C7: variants seen among roughly 807,000 people sequenced by gnomAD.
C7 encodes the protein complement component C7.
In C7, 83 loss-of-function variants were observed where a neutral mutation model predicts 104.8. The observed-to-expected ratio is 0.79, with a 90% confidence interval of 0.66 to 0.95. C7 has a LOEUF of 0.95. C7 is among the 40% of genes least tolerant of loss of function. C7 has a pLI of 0.00. For missense variants in C7, 1,070 were observed against 1,011.2 expected, an observed-to-expected ratio of 1.06 and a Z score of -0.79; for synonymous variants, 415 against 360.6, an observed-to-expected ratio of 1.15 and a Z score of -1.71.
intron 1 of C7, among the ~76,000 whole-genome samples, chr5:40,926,325 G>A (rs573395244): frequency 6.6e-6 from 1 of 151,932 alleles, no homozygotes; most frequent in South Asian, 2.1e-4. Context: ...AAAATTGAAA[G>A]CCTTTTATTT....
rs541790602 is a variant in C7 at position 40,954,123 on chromosome 5, C to G, written c.1094-1264C>G. On this transcript the variant is annotated intron_variant, in intron 9 of 17. Coordinates refer to ENST00000313164, the MANE Select transcript of C7 (RefSeq NM_000587.4). ...GCTTCCATTAGCATTTCACACTTTT[C>G]AGAACACTTTTCATGCGTTAAGTAA... Among the ~76,000 whole-genome samples the G allele has an allele frequency of 5.9e-5, 9 of 152,218 alleles. No individual in the cohort carries two copies. In the East Asian group the frequency reaches 1.7e-3, roughly 29 times the overall value.
At position 40,984,604 on chromosome 5, in the gene C7, G is replaced by A. The variant is rs577973147; in HGVS notation, c.*3031G>A. On this transcript the variant is annotated 3_prime_UTR_variant, in exon 18 of 18. Coordinates refer to ENST00000313164, the MANE Select transcript of C7 (RefSeq NM_000587.4). ...CCAATTAGTAATCACTTTTTCTTTC[G>A]GTCAAGGTATGTGTATTAATCAATA... is the stretch of plus-strand genomic sequence containing the variant. 5.3e-5 allele frequency among the ~76,000 whole-genome samples: 8 copies of A among 152,136 alleles called. No homozygotes were observed. The highest frequency in any genetic ancestry group is 5.9e-5 in the Non-Finnish European group (4 of 68,002).
chr5:40,916,058 G>T (rs539461380), intron 1 of C7, among the ~76,000 whole-genome samples: 27 of 150,632 alleles, frequency 1.8e-4, no homozygotes, highest in South Asian at 4.1e-4. Context: ...GATTTGAATT[G>T]TATCTTCTCC....
Position 40,981,393 on chromosome 5 carries a change from T to A in C7, c.2352T>A (p.Ala784=), listed in dbSNP as rs1366952800. The A allele has an allele frequency of 6.2e-7, 1 of 1,610,128 alleles. No homozygotes were observed. The highest frequency in any genetic ancestry group is 8.5e-7 in the Non-Finnish European group (1 of 1,178,302). The change falls in exon 18 of 18, where the codon GCT becomes GCA. Residue 784 remains alanine (A), a splice_region_variant and synonymous_variant. Coordinates refer to ENST00000313164, the MANE Select transcript of C7 (RefSeq NM_000587.4). ...AGCCTCTTTCACTTACTTTTCCAGC[T>A]GAGAGCAGCAAATGTGTCTGCCGAG... The part of the protein sequence containing the change: ...GACPLWGKCD[A]ESSKCVCREA...
chr5:40,931,064 T>C lies in C7; in HGVS notation c.63T>C (p.Ser21=). The change falls in exon 3 of 18, where the codon AGT becomes AGC. Residue 21 remains serine (S), a splice_region_variant and synonymous_variant. Transcript: ENST00000313164. ...GFIGEFQSFS[S]ASSPVNCQWD... is the part of the protein sequence containing the mutation. ...GATGGACAATTTGACACTGTGGCAGTGCCTCCTCTCCAGTCAACTGCCAGT... is the reference window on the plus strand; with the variant it reads ...GATGGACAATTTGACACTGTGGCAGCGCCTCCTCTCCAGTCAACTGCCAGT... 1.2e-6 allele frequency: 2 copies of C among 1,609,856 alleles called. No individual in the cohort carries two copies. The highest frequency in any genetic ancestry group is 1.1e-5 in the South Asian group (1 of 90,884).
chr5:40,969,209 A>G (rs936621886), intron 14 of C7, among the ~76,000 whole-genome samples: 3 of 152,154 alleles, frequency 2.0e-5, no homozygotes, highest in Non-Finnish European at 4.4e-5. Flanking sequence ...ATGTGTAAAC[A>G]GTGTGTAATA....
At chr5:40,929,606 C>A (rs187128973) in intron 2 of C7, among the ~76,000 whole-genome samples, 20 of 152,112 alleles carry the variant, frequency 1.3e-4, no homozygotes, top group Admixed American at 2.6e-4. Flanking sequence ...TGCTGGGAAT[C>A]CAGAAATCAG....
At chr5:40,911,548 G>T (rs1472847047) in intron 1 of C7, among the ~76,000 whole-genome samples, 1 of 152,164 alleles carries the variant, frequency 6.6e-6, no homozygotes, top group Non-Finnish European at 1.5e-5. Flanking sequence ...GGTCGTCACA[G>T]TGCCCAAGCA....
chr5:40,951,702 G>A (rs899529260), intron 9 of C7, among the ~76,000 whole-genome samples: 14 of 152,174 alleles, frequency 9.2e-5, no homozygotes, highest in African/African-American at 3.4e-4. Flanking sequence ...CATTGTGTGA[G>A]GCCATAGACT....
At chr5:40,912,386 C>T (rs1387206604) in intron 1 of C7, among the ~76,000 whole-genome samples, 1 of 152,004 alleles carries the variant, frequency 6.6e-6, no homozygotes, top group Admixed American at 6.6e-5. Context: ...TTAAAAAATG[C>T]TTTTAAATTT....
intron 2 of C7, among the ~76,000 whole-genome samples, chr5:40,930,270 A>G (rs553067243): frequency 9.3e-4 from 135 of 144,614 alleles, no homozygotes; most frequent in African/African-American, 3.5e-3. Context: ...CAGTGGTGCA[A>G]TCTCAGCTCA....
In C7 at chr5:40,958,607, TC is replaced by T. The variant is rs1740350656; in HGVS notation, c.1489+347del. 2.0e-5 allele frequency among the ~76,000 whole-genome samples: 3 copies of T among 152,346 alleles called. No individual in the cohort carries two copies. The South Asian group carries it at 6.2e-4, about 32-fold the overall frequency. On this transcript the variant is annotated intron_variant, in intron 11 of 17. Transcript: ENST00000313164. The stretch of plus-strand genomic sequence containing the variant: ...TTGTATATTTGCATTGCCTAATCTT[TC>T]TGATGGCATGCTCTTTGAAACATTT...
At position 40,937,579 on chromosome 5, in the gene C7, G is replaced by A; in HGVS notation, c.456G>A (p.Arg152=). 1 of 1,611,800 alleles carries A rather than the reference G, an allele frequency of 6.2e-7. No homozygotes were observed. ...NGYNELTGQF[R]NRVINTKSFG... ...ACAATGAACTCACTGGCCAGTTTAG[G>A]AACAGAGTCATCAATACCAAAAGTT... The change falls in exon 6 of 18, where the codon AGG becomes AGA. Residue 152 remains arginine, a synonymous_variant. Coordinates refer to ENST00000313164, the MANE Select transcript of C7 (RefSeq NM_000587.4).
At chr5:40,942,326 T>C (rs902185842) in intron 6 of C7, among the ~76,000 whole-genome samples, 2 of 152,030 alleles carry the variant, frequency 1.3e-5, no homozygotes, top group Non-Finnish European at 2.9e-5. Flanking sequence ...AAATGGAAGC[T>C]GTAGGAGAGG....
chr5:40,983,447 A>G lies in C7; in HGVS notation c.*1874A>G, dbSNP rs369368525. Among the ~76,000 whole-genome samples the G allele has an allele frequency of 5.3e-5, 8 of 152,258 alleles. No homozygotes were observed. The South Asian group carries it at 1.5e-3, about 28-fold the overall frequency. ...AAGGAAATGAGTAGATGTAACTAAG[A>G]GGTTTGAGAAAGGAATTTCAGCAGA... On this transcript the variant is annotated 3_prime_UTR_variant, in exon 18 of 18. Transcript: ENST00000313164.
At chr5:40,916,087 T>TTAAAGTAGGAAAATACA (rs1471078293) in intron 1 of C7, among the ~76,000 whole-genome samples, 1 of 152,160 alleles carries the variant, frequency 6.6e-6, no homozygotes, top group African/African-American at 2.4e-5. Flanking sequence ...CAGCTATCAG[T>TTAAAGTAGGAAAATACA]TAAAGTAGGA....
chr5:40,979,838 G>A lies in C7; in HGVS notation c.2279G>A (p.Arg760Lys). ...CQGRNYTLTG[R>K]DSCTLPASAE... ...GGTAGAAATTACACCCTTACTGGTA[G>A]GGACAGCTGTACTCTGCCTGCCTCA... is the stretch of plus-strand genomic sequence containing the variant. The change falls in exon 17 of 18, where the codon AGG becomes AAG. Residue 760 changes from arginine (R) to lysine (K), a missense_variant. Physicochemically the swap from Arg to Lys is conservative, Grantham distance 26 (BLOSUM62 2). Transcript: ENST00000313164. The A allele has an allele frequency of 3.7e-6, 6 of 1,613,406 alleles. No homozygotes were observed. Among genetic ancestry groups the A allele is most frequent in the Non-Finnish European group, 5.1e-6 (6 of 1,179,550 alleles).
At chr5:40,951,266 TAG>T (rs1740165254) in intron 9 of C7, among the ~76,000 whole-genome samples, 1 of 152,108 alleles carries the variant, frequency 6.6e-6, no homozygotes, top group Non-Finnish European at 1.5e-5. Flanking sequence ...TTCTGAATAT[TAG>T]AGTTTTATCA....
chr5:40,964,930 A>T, intron 14 of C7, 57 bp downstream of exon 14: 1 of 1,581,230 alleles, frequency 6.3e-7, no homozygotes, highest in African/African-American at 1.3e-5. Context: ...GAAGAGAATG[A>T]ATCAAGATAA....
Sources: gnomAD v4.1 joint callset for allele counts (sites outside exome capture counted in the v4.1 genomes callset) on GRCh38, gnomAD v4.1.1 for gene constraint, MANE v1.5 for transcripts, NCBI Gene and HGNC (gene_info 2026-07-23, HGNC 2026-07-21) for gene names.